OSBPL6: variants seen among roughly 807,000 people sequenced by gnomAD.
The protein encoded by OSBPL6 is oxysterol-binding protein-related protein 6.
Under a neutral mutation model 125.8 loss-of-function variants are expected in OSBPL6, and 49 were observed. The observed-to-expected ratio is 0.39, with a 90% confidence interval of 0.31 to 0.49. The LOEUF (loss-of-function observed/expected upper bound fraction) is 0.49. Among genes scored for constraint, OSBPL6 ranks in the 20% least tolerant of loss-of-function variants. The probability of loss-of-function intolerance (pLI) is 0.88; values close to 1 mark genes in which losing one functional copy is unlikely to be tolerated. For missense variants in OSBPL6, 986 were observed against 1,135.4 expected (o/e 0.87, Z 1.89); for synonymous variants, 394 against 391.8 (o/e 1.01, Z -0.07).
chr2:178,211,344 C>T (rs1367251996), intron 1 of OSBPL6, among the ~76,000 whole-genome samples: 1 of 152,088 alleles, frequency 6.6e-6, no homozygotes, highest in Non-Finnish European at 1.5e-5. Flanking sequence ...ATCCTAAAAC[C>T]CCTGTATGCA....
At chr2:178,243,264 T>C (rs890624172) in intron 1 of OSBPL6, among the ~76,000 whole-genome samples, 16 of 152,196 alleles carry the variant, frequency 1.1e-4, no homozygotes, top group Non-Finnish European at 2.1e-4. Flanking sequence ...TCAAAGAAGG[T>C]AGGACAGTTT....
chr2:178,334,945 G>A (rs932361893), intron 8 of OSBPL6, among the ~76,000 whole-genome samples: 3 of 152,026 alleles, frequency 2.0e-5, no homozygotes, highest in South Asian at 2.1e-4. Flanking sequence ...AAAAGGGAAC[G>A]AACCATCTGG....
At chr2:178,338,152 T>G (rs1689865552) in intron 9 of OSBPL6, among the ~76,000 whole-genome samples, 2 of 152,064 alleles carry the variant, frequency 1.3e-5, no homozygotes, top group African/African-American at 4.8e-5. Flanking sequence ...AGGCTGGTCT[T>G]GAACTCCTGA....
At chr2:178,228,375 A>C (rs1481432682) in intron 1 of OSBPL6, among the ~76,000 whole-genome samples, 1 of 152,156 alleles carries the variant, frequency 6.6e-6, no homozygotes, top group Non-Finnish European at 1.5e-5. Flanking sequence ...CTCTACTAAA[A>C]ATACAAAAAA....
intron 21 of OSBPL6, 75 bp from the exon 22 acceptor site, chr2:178,390,998 T>G (rs1191428313): frequency 1.9e-6 from 3 of 1,572,238 alleles, no homozygotes; most frequent in East Asian, 4.5e-5. Flanking sequence ...GCTAAGAAAT[T>G]TTTCTATATG....
chr2:178,370,828 GGCTGCAAC>G (rs1027434946), intron 13 of OSBPL6, among the ~76,000 whole-genome samples: 5 of 152,116 alleles, frequency 3.3e-5, no homozygotes, highest in Non-Finnish European at 7.3e-5. Flanking sequence ...AAAATCCAAA[GGCTGCAAC>G]TGATAGTTCT....
chr2:178,386,574 C>G (rs1575041573), intron 19 of OSBPL6, among the ~76,000 whole-genome samples: 1 of 151,764 alleles, frequency 6.6e-6, no homozygotes, highest in Non-Finnish European at 1.5e-5. Flanking sequence ...TTGCTATACT[C>G]CAATTATTTT....
At chr2:178,349,951 A>G (rs1222565346) in intron 12 of OSBPL6, among the ~76,000 whole-genome samples, 1 of 152,136 alleles carries the variant, frequency 6.6e-6, no homozygotes, top group African/African-American at 2.4e-5. Flanking sequence ...GGCTGCACAC[A>G]ACTGTGCCGC....
rs76703459 is a variant in OSBPL6 at position 178,347,909 on chromosome 2, C to T, written c.988-1315C>T. On this transcript the variant is annotated intron_variant, in intron 11 of 24. Coordinates refer to ENST00000190611, the MANE Select transcript of OSBPL6 (RefSeq NM_032523.4). ...TAGCTGAATTTTGGGGAGGGGAAAG[C>T]TTCATGCTCACTTTCTTCCCCAGTA... Among the ~76,000 whole-genome samples, 564 of 152,260 alleles carry T rather than the reference C, an allele frequency of 3.7e-3. 3 individuals are homozygous for T. The highest frequency in any genetic ancestry group is 0.01 in the Middle Eastern group (3 of 294).
chr2:178,289,408 C>T (rs771548673), intron 2 of OSBPL6, among the ~76,000 whole-genome samples: 7 of 152,176 alleles, frequency 4.6e-5, no homozygotes, highest in South Asian at 2.1e-4. Flanking sequence ...AACAACCATA[C>T]GCACACACTC....
At chr2:178,195,350 G>T (rs1017899215) in intron 1 of OSBPL6, among the ~76,000 whole-genome samples, 1 of 152,222 alleles carries the variant, frequency 6.6e-6, no homozygotes, top group Non-Finnish European at 1.5e-5. Context: ...CCGGGACAGC[G>T]TTTGCATTGC....
chr2:178,395,548 G>T lies in OSBPL6; in HGVS notation c.2794G>T (p.Val932Phe). The T allele has an allele frequency of 1.2e-6, 2 of 1,609,776 alleles. No homozygotes were observed. Among genetic ancestry groups the T allele is most frequent in the Non-Finnish European group, 1.7e-6 (2 of 1,176,352 alleles). Residue 932 changes from valine to phenylalanine, a missense_variant, in exon 25 of 25, where the codon GTT becomes TTT. Physicochemically the swap from Val to Phe is conservative, Grantham distance 50. Coordinates refer to ENST00000190611, the MANE Select transcript of OSBPL6 (RefSeq NM_032523.4). The part of the protein sequence containing the change: ...DPGFSKVDSP[V>F]LW ...TGGGTTTAGCAAAGTAGACAGCCCTGTTCTTTGGTAGACTGGGAATGTAGA... is the reference window on the plus strand; with the variant it reads ...TGGGTTTAGCAAAGTAGACAGCCCTTTTCTTTGGTAGACTGGGAATGTAGA...
chr2:178,374,050 T>A, intron 15 of OSBPL6, 23 bp downstream of exon 15: 1 of 1,610,464 alleles, frequency 6.2e-7, no homozygotes, highest in Non-Finnish European at 8.5e-7. Flanking sequence ...CCTTGACTTG[T>A]TGGCCTCAAC....
At chr2:178,305,719 G>A (rs1276114269) in intron 2 of OSBPL6, among the ~76,000 whole-genome samples, 1 of 152,188 alleles carries the variant, frequency 6.6e-6, no homozygotes, top group African/African-American at 2.4e-5. Context: ...TTCCGGAGGA[G>A]AATCTGGCGT....
chr2:178,304,825 A>G lies in OSBPL6; in HGVS notation c.-155-1205A>G, dbSNP rs560492658. Among the ~76,000 whole-genome samples the G allele has an allele frequency of 1.1e-4, 17 of 152,268 alleles. No individual in the cohort carries two copies. In the South Asian group the frequency reaches 3.1e-3, roughly 28 times the overall value. On this transcript the variant is annotated intron_variant, in intron 2 of 24. Transcript: ENST00000190611. ...ATCTCTGACTCTAGTCATATTGGCT[A>G]CCACTCATCTGTTGATCATGTCACG...
chr2:178,263,745 G>A (rs903881340), intron 1 of OSBPL6, among the ~76,000 whole-genome samples: 8 of 151,746 alleles, frequency 5.3e-5, no homozygotes, highest in Non-Finnish European at 4.4e-5. Flanking sequence ...GCTCCTGCTT[G>A]CAAAACGTCA....
chr2:178,299,283 A>G (rs1686056435), intron 2 of OSBPL6, among the ~76,000 whole-genome samples: 1 of 152,052 alleles, frequency 6.6e-6, no homozygotes, highest in Non-Finnish European at 1.5e-5. Flanking sequence ...TCTTTTTTGC[A>G]CTGAATAATA....
At chr2:178,388,859 A>G in intron 20 of OSBPL6, 150 bp from the exon 21 acceptor site, 1 of 812,692 alleles carries the variant, frequency 1.2e-6, no homozygotes, top group Non-Finnish European at 1.9e-6. Flanking sequence ...CATCGTAAAT[A>G]CTTAATGACC....
chr2:178,302,620 A>G (rs983284481), intron 2 of OSBPL6, among the ~76,000 whole-genome samples: 1 of 152,204 alleles, frequency 6.6e-6, no homozygotes, highest in Admixed American at 6.5e-5. Context: ...AATAGAAACA[A>G]CAACAATAAC....
Sources: gnomAD v4.1 joint callset for allele counts (sites outside exome capture counted in the v4.1 genomes callset) on GRCh38, gnomAD v4.1.1 for gene constraint, MANE v1.5 for transcripts, NCBI Gene and HGNC (gene_info 2026-07-23, HGNC 2026-07-21) for gene names.